Variants in BAZ2A observed in about 807,000 individuals in gnomAD.
BAZ2A encodes bromodomain adjacent to zinc finger domain protein 2A.
In BAZ2A, 34 loss-of-function variants were observed where a neutral mutation model predicts 199.9. The ratio of observed to expected loss-of-function variants is 0.17; its 90% CI spans 0.13 to 0.23. BAZ2A has a LOEUF of 0.23. Ranked by LOEUF, BAZ2A falls within the 10% of genes least tolerant of loss-of-function variation. The pLI is 1.00. For missense variants in BAZ2A, 2,002 were observed against 2,391.1 expected (o/e 0.84, Z 3.39); for synonymous variants, 857 against 883.9 (o/e 0.97, Z 0.54).
At chr12:56,636,044 T>C (rs764159038) in intron 1 of BAZ2A, 2 of 1,093,386 alleles carry the variant, frequency 1.8e-6, no homozygotes, top group Non-Finnish European at 2.6e-6. Flanking sequence ...CTGAGCCCTG[T>C]GCCCCCCGTC....
Position 56,598,543 on chromosome 12 carries a change from AGCAGGTGAAAATG to A in BAZ2A, c.*62_*74del. ...TTGAGTCTGGACCCAGGGCAGCATC[AGCAGGTGAAAATG>A]GCAGGTTTTTGTTTGGAAGGTGGGG... On this transcript the variant is annotated 3_prime_UTR_variant, in exon 29 of 29. Transcript: ENST00000549884. 3 of 1,534,876 alleles carry A rather than the reference AGCAGGTGAAAATG, an allele frequency of 2.0e-6. No individual in the cohort carries two copies. The highest frequency in any genetic ancestry group is 2.6e-6 in the Non-Finnish European group (3 of 1,139,764).
intron 10 of BAZ2A, 40 bp downstream of exon 10, chr12:56,609,696 T>A: frequency 1.9e-6 from 3 of 1,578,968 alleles, no homozygotes; most frequent in Non-Finnish European, 2.6e-6. Flanking sequence ...AGATACCTCA[T>A]GGAGGGAGCA....
chr12:56,616,181 G>A (rs1308229680), intron 2 of BAZ2A, among the ~76,000 whole-genome samples: 2 of 152,096 alleles, frequency 1.3e-5, no homozygotes, highest in Non-Finnish European at 1.5e-5. Flanking sequence ...GATTACAGGC[G>A]TGAGCCACCA....
chr12:56,610,140 A>C lies in BAZ2A; in HGVS notation c.1855T>G (p.Phe619Val), dbSNP rs1212871325. The C allele has an allele frequency of 6.2e-7, 1 of 1,613,770 alleles. No individual in the cohort carries two copies. Among genetic ancestry groups the C allele is most frequent in the African/African-American group, 1.3e-5 (1 of 74,906 alleles). The change falls in exon 9 of 29, where the codon TTC becomes GTC. Residue 619 changes from phenylalanine (F) to valine (V), a missense_variant. Around this residue, in one of 6 missense-constraint regions of BAZ2A, gnomAD observed 74 missense variants for 126.1 expected, o/e 0.59. Transcript: ENST00000549884. The part of the protein sequence containing the change: ...SFSPRMPVGD[F>V]FEERDTPEGL... Reference sequence around the variant, plus strand: ...TCTGGCGTGTCTCTTTCTTCAAAGAAATCTCCAACAGGCATACGGGGACTG... The same window carrying C: ...TCTGGCGTGTCTCTTTCTTCAAAGACATCTCCAACAGGCATACGGGGACTG...
At chr12:56,604,416 A>G (rs1950281201) in intron 15 of BAZ2A, 125 bp from the exon 16 acceptor site, 1 of 1,300,028 alleles carries the variant, frequency 7.7e-7, no homozygotes, top group East Asian at 2.5e-5. Flanking sequence ...GAATGGCAGA[A>G]GGCTTAGGCT....
Position 56,601,736 on chromosome 12 carries a change from T to C in BAZ2A, c.3881A>G (p.Lys1294Arg). 1.2e-6 allele frequency: 2 copies of C among 1,613,958 alleles called. No homozygotes were observed. The highest frequency in any genetic ancestry group is 2.2e-5 in the East Asian group (1 of 44,884). ...SVLTPDSSPGKLDPAPSQPPE... is the reference protein window; with the variant it reads ...SVLTPDSSPGRLDPAPSQPPE... The stretch of plus-strand genomic sequence containing the variant: ...GGGTTGTGATGGAGCTGGGTCTAGT[T>C]TTCCCGGACTGCTATCAGGTGTGAG... The change falls in exon 20 of 29, where the codon AAA becomes AGA. Residue 1294 changes from lysine to arginine, a missense_variant. Physicochemically the swap from Lys to Arg is conservative, Grantham distance 26 (BLOSUM62 2). This residue lies in a region of BAZ2A where 1,081 missense variants were observed against 1,274.7 expected (regional missense o/e 0.85). Coordinates refer to ENST00000549884, the MANE Select transcript of BAZ2A (RefSeq NM_001300905.2).
intron 18 of BAZ2A, 96 bp downstream of exon 18, chr12:56,603,263 C>G: frequency 7.2e-7 from 1 of 1,389,904 alleles, no homozygotes. Flanking sequence ...AACCCCATCT[C>G]AAAAGAATAA....
intron 7 of BAZ2A, among the ~76,000 whole-genome samples, chr12:56,610,990 A>G (rs1330815696): frequency 6.6e-6 from 1 of 152,206 alleles, no homozygotes; most frequent in East Asian, 1.9e-4. Context: ...ACACAAAGTT[A>G]GTCAGAGTTA....
At chr12:56,609,582 T>G (rs1950495680) in intron 10 of BAZ2A, among the ~76,000 whole-genome samples, 154 bp downstream of exon 10, 1 of 152,172 alleles carries the variant, frequency 6.6e-6, no homozygotes, top group Non-Finnish European at 1.5e-5. Context: ...GCGCTGGGAC[T>G]AGGATGCTGG....
chr12:56,615,980 G>A (rs568949085), intron 2 of BAZ2A, among the ~76,000 whole-genome samples: 6 of 152,082 alleles, frequency 3.9e-5, no homozygotes, highest in Admixed American at 2.0e-4. Context: ...CTCGACCCAC[G>A]GCAACCTCTG....
chr12:56,614,287 AG>A, intron 3 of BAZ2A, 149 bp from the exon 4 acceptor site: 2 of 755,646 alleles, frequency 2.6e-6, no homozygotes, highest in Non-Finnish European at 4.2e-6. Context: ...GATCACATCA[AG>A]ATACTCTGAG....
At position 56,612,103 on chromosome 12, in the gene BAZ2A, CTGCTGGTGAGGT is replaced by C. The variant is rs1950575406; in HGVS notation, c.1267_1278del (p.Thr423_Ala426del). On this transcript the variant is annotated inframe_deletion, in exon 6 of 29. Coordinates refer to ENST00000549884, the MANE Select transcript of BAZ2A (RefSeq NM_001300905.2). ...ACTGCTGGGGAGGTTGTTGGCGAGACTGCTGGTGAGGTTGCTGGATGTAGCTGAATAGTGGAT... is the reference window on the plus strand; with the variant it reads ...ACTGCTGGGGAGGTTGTTGGCGAGACTGCTGGATGTAGCTGAATAGTGGAT... 1 of 1,613,808 alleles carries C rather than the reference CTGCTGGTGAGGT, an allele frequency of 6.2e-7. No individual in the cohort carries two copies. The highest frequency in any genetic ancestry group is 2.2e-5 in the East Asian group (1 of 44,878).
chr12:56,610,426 A>G lies in BAZ2A; in HGVS notation c.1762T>C (p.Phe588Leu). The change falls in exon 8 of 29, where the codon TTT becomes CTT. Residue 588 changes from phenylalanine to leucine, a missense_variant. Phe to Leu is a conservative substitution (Grantham distance 22). Coordinates refer to ENST00000549884, the MANE Select transcript of BAZ2A (RefSeq NM_001300905.2). ...TACATTACCTTGATCACTTCTGGAA[A>G]TTGCTTCATCCTCTTCCCACAGGGG... is the stretch of plus-strand genomic sequence containing the variant. ...YGPCGKRMKQFPEVIKYLSRN... is the reference protein window; with the variant it reads ...YGPCGKRMKQLPEVIKYLSRN... The G allele has an allele frequency of 1.9e-6, 3 of 1,613,696 alleles. No homozygotes were observed. Among genetic ancestry groups the G allele is most frequent in the Non-Finnish European group, 2.5e-6 (3 of 1,179,794 alleles).
chr12:56,619,100 T>A (rs1277127623), intron 1 of BAZ2A, among the ~76,000 whole-genome samples: 1 of 151,070 alleles, frequency 6.6e-6, no homozygotes, highest in Admixed American at 6.6e-5. Context: ...TCCCAGCACT[T>A]TGGGAGGCCG....
chr12:56,603,759 T>C (rs1950254213), intron 16 of BAZ2A, 59 bp from the exon 17 acceptor site: 1 of 1,585,238 alleles, frequency 6.3e-7, no homozygotes, highest in African/African-American at 1.3e-5. Context: ...ACACCTGTAA[T>C]TCCAGCACTT....
intron 15 of BAZ2A, 141 bp from the exon 16 acceptor site, chr12:56,604,432 AGGGAG>A: frequency 7.8e-7 from 1 of 1,288,508 alleles, no homozygotes; most frequent in East Asian, 2.5e-5. Context: ...AGGCTCTCCC[AGGGAG>A]GGCACTGCAA....
chr12:56,618,498 T>G (rs908732898), intron 1 of BAZ2A, among the ~76,000 whole-genome samples: 6 of 152,102 alleles, frequency 3.9e-5, no homozygotes, highest in African/African-American at 1.4e-4. Flanking sequence ...ATTGGTAAAC[T>G]CTAACATATC....
Position 56,598,296 on chromosome 12 carries a change from A to G in BAZ2A, c.*322T>C, listed in dbSNP as rs1592544044. On this transcript the variant is annotated 3_prime_UTR_variant, in exon 29 of 29. Transcript: ENST00000549884. Reference sequence around the variant, plus strand: ...CAGGGGAGGAGAGGAAGCAGGGAGGAGGAAGTAGGGACGACTTTCCCCCTC... The same window carrying G: ...CAGGGGAGGAGAGGAAGCAGGGAGGGGGAAGTAGGGACGACTTTCCCCCTC... 3.5e-6 allele frequency: 1 copy of G among 288,750 alleles called. No individual in the cohort carries two copies. The highest frequency in any genetic ancestry group is 8.7e-5 in the East Asian group (1 of 11,540). The allele number at this position is 288,750 out of a possible 1,614,324, so 17.9% of individuals were successfully genotyped here. A position where few individuals can be genotyped will look rare whatever the true frequency, so the allele number is the denominator to read the frequency against.
At chr12:56,624,609 C>CAAAAAAAAATAAA (rs1800598492) in intron 1 of BAZ2A, among the ~76,000 whole-genome samples, 1 of 121,584 alleles carries the variant, frequency 8.2e-6, no homozygotes. Context: ...TTACTATTTT[C>CAAAAAAAAATAAA]AGAGAACAAA....
Sources: gnomAD v4.1 joint callset for allele counts (sites outside exome capture counted in the v4.1 genomes callset) on GRCh38, gnomAD v4.1.1 for gene constraint, gnomAD v4.1.1 regional missense constraint, MANE v1.5 for transcripts, NCBI Gene and HGNC (gene_info 2026-07-23, HGNC 2026-07-21) for gene names.